ADGRB3: variants seen among roughly 807,000 people sequenced by gnomAD.
ADGRB3 encodes brain-specific angiogenesis inhibitor 3.
ADGRB3 carries 37 observed loss-of-function variants against 193.4 expected under a neutral mutation model. The observed-to-expected ratio is 0.19, with a 90% confidence interval of 0.15 to 0.25. ADGRB3 has a LOEUF of 0.25. Ranked by LOEUF, ADGRB3 falls within the 10% of genes least tolerant of loss-of-function variation. ADGRB3 has a pLI of 1.00. For missense variants in ADGRB3, 1,637 were observed against 1,852.9 expected, an observed-to-expected ratio of 0.88 and a Z score of 2.14; for synonymous variants, 690 against 644.2, an observed-to-expected ratio of 1.07 and a Z score of -1.08.
intron 3 of ADGRB3, among the ~76,000 whole-genome samples, chr6:68,677,327 C>T (rs547229855): frequency 1.3e-5 from 2 of 152,100 alleles, no homozygotes; most frequent in African/African-American, 4.8e-5. Context: ...TCTTTGATAA[C>T]TTAGTTTTCT....
chr6:68,649,222 A>C (rs1484446182), intron 3 of ADGRB3, among the ~76,000 whole-genome samples: 1 of 152,178 alleles, frequency 6.6e-6, no homozygotes, highest in Non-Finnish European at 1.5e-5. Context: ...ACTTATAAAG[A>C]TCTTTCAACA....
chr6:69,163,061 A>G (rs1196599645), intron 17 of ADGRB3, among the ~76,000 whole-genome samples: 1 of 152,036 alleles, frequency 6.6e-6, no homozygotes, highest in Non-Finnish European at 1.5e-5. Context: ...GAGTCAATTC[A>G]CTTGCCTCAG....
chr6:69,254,528 T>A (rs1295342912), intron 20 of ADGRB3, among the ~76,000 whole-genome samples: 3 of 152,102 alleles, frequency 2.0e-5, no homozygotes, highest in African/African-American at 7.2e-5. Context: ...GTAGCATAAC[T>A]ATCTTTATGT....
intron 3 of ADGRB3, among the ~76,000 whole-genome samples, chr6:68,764,815 A>G (rs1407435485): frequency 6.6e-6 from 1 of 152,212 alleles, no homozygotes; most frequent in Non-Finnish European, 1.5e-5. Context: ...ATGTTTCAAC[A>G]TGGTGCGTGG....
intron 3 of ADGRB3, among the ~76,000 whole-genome samples, chr6:68,712,629 A>G (rs1765424627): frequency 6.6e-6 from 1 of 151,990 alleles, no homozygotes; most frequent in African/African-American, 2.4e-5. Context: ...GACATAGGAG[A>G]GAGACAAAGA....
intron 17 of ADGRB3, among the ~76,000 whole-genome samples, chr6:69,194,280 GT>G (rs1765254423): frequency 6.6e-6 from 1 of 152,096 alleles, no homozygotes; most frequent in Non-Finnish European, 1.5e-5. Flanking sequence ...TCACTTAACT[GT>G]CCCTTGTACA....
intron 3 of ADGRB3, among the ~76,000 whole-genome samples, chr6:68,883,256 A>G (rs895444907): frequency 2.6e-5 from 4 of 152,132 alleles, no homozygotes; most frequent in Admixed American, 2.6e-4. Flanking sequence ...ACCAATTAGC[A>G]CCCTGTCAAA....
chr6:68,814,876 C>A (rs546808300), intron 3 of ADGRB3, among the ~76,000 whole-genome samples: 13 of 152,168 alleles, frequency 8.5e-5, no homozygotes, highest in African/African-American at 1.2e-4. Flanking sequence ...TCAGAACCAA[C>A]GACAAAAACC....
At chr6:68,672,576 G>A (rs1041349018) in intron 3 of ADGRB3, among the ~76,000 whole-genome samples, 5 of 151,804 alleles carry the variant, frequency 3.3e-5, no homozygotes, top group African/African-American at 1.2e-4. Flanking sequence ...ATTTACCTTT[G>A]GTAGCAAAGA....
At chr6:68,971,556 G>T (rs577154234) in intron 8 of ADGRB3, among the ~76,000 whole-genome samples, 1 of 152,202 alleles carries the variant, frequency 6.6e-6, no homozygotes, top group Non-Finnish European at 1.5e-5. Context: ...GAGGAAGAGC[G>T]TAGGTTTCAA....
rs1205683504 is a variant in ADGRB3 at position 69,048,406 on chromosome 6, A to C, written c.2257+72A>C. On this transcript the variant is annotated intron_variant, in intron 14 of 31. Transcript: ENST00000370598. The stretch of plus-strand genomic sequence containing the variant: ...GGTCATTTAATTAGAAATTAGGTAT[A>C]AATCTTCATACATTAAACAGTTTAG... 2.1e-6 allele frequency: 3 copies of C among 1,421,126 alleles called. No homozygotes were observed. In the East Asian group the frequency reaches 7.0e-5, roughly 33 times the overall value. The allele number at this position is 1,421,126 out of a possible 1,614,324, so 88.0% of individuals were successfully genotyped here. A position where few individuals can be genotyped will look rare whatever the true frequency, so the allele number is the denominator to read the frequency against.
intron 5 of ADGRB3, among the ~76,000 whole-genome samples, chr6:68,939,390 T>C (rs933766689): frequency 3.3e-5 from 5 of 152,154 alleles, no homozygotes; most frequent in African/African-American, 1.2e-4. Context: ...CCTACAGAAC[T>C]GCATACCAAT....
At chr6:68,935,185 A>C (rs535530847) in intron 4 of ADGRB3, among the ~76,000 whole-genome samples, 1 of 152,322 alleles carries the variant, frequency 6.6e-6, no homozygotes, top group Admixed American at 6.5e-5. Context: ...TAAGCAGTTT[A>C]CATCAGAATG....
intron 3 of ADGRB3, among the ~76,000 whole-genome samples, chr6:68,930,128 G>C (rs975660467): frequency 2.0e-5 from 3 of 151,634 alleles, no homozygotes; most frequent in African/African-American, 7.3e-5. Context: ...TAAGTTACAG[G>C]ACTGAGTAAT....
intron 17 of ADGRB3, among the ~76,000 whole-genome samples, chr6:69,137,933 G>A (rs560749860): frequency 4.1e-4 from 62 of 152,334 alleles, no homozygotes; most frequent in African/African-American, 1.4e-3. Flanking sequence ...CTGTCATTCA[G>A]CAACTCAGTT....
chr6:69,091,655 A>T (rs1317523514), intron 17 of ADGRB3, among the ~76,000 whole-genome samples: 2 of 152,020 alleles, frequency 1.3e-5, no homozygotes, highest in Admixed American at 6.6e-5. Context: ...GGCGGGTGGG[A>T]GGAGGGAAAG....
chr6:69,022,599 C>A (rs1406959962), intron 13 of ADGRB3, among the ~76,000 whole-genome samples: 4 of 151,886 alleles, frequency 2.6e-5, no homozygotes, highest in Non-Finnish European at 5.9e-5. Flanking sequence ...TTTCATCCTT[C>A]ACATCCTTTG....
intron 16 of ADGRB3, among the ~76,000 whole-genome samples, chr6:69,074,282 T>A (rs688606): frequency 0.27 from 40,591 of 152,062 alleles, 7,544 homozygotes; most frequent in East Asian, 0.8. Context: ...TGAGTGAATT[T>A]CATACATTTT....
chr6:68,745,755 A>C (rs1223251076), intron 3 of ADGRB3, among the ~76,000 whole-genome samples: 3 of 151,914 alleles, frequency 2.0e-5, no homozygotes, highest in Non-Finnish European at 4.4e-5. Flanking sequence ...ATATATGTGT[A>C]TATATCCCCC....
Sources: allele counts gnomAD v4.1 joint callset (sites outside exome capture counted in the v4.1 genomes callset), GRCh38; gene constraint gnomAD v4.1.1; transcripts MANE v1.5; gene names NCBI Gene and HGNC (gene_info 2026-07-23, HGNC 2026-07-21).